Variants in CTNNA2 observed in about 807,000 individuals in gnomAD.
CTNNA2 encodes catenin alpha 2.
In CTNNA2, 42 loss-of-function variants were observed where a neutral mutation model predicts 101.0. That is an observed-to-expected ratio of 0.42 (90% confidence interval 0.32 to 0.54). CTNNA2 has a LOEUF of 0.54. Among genes scored for constraint, CTNNA2 ranks in the 20% least tolerant of loss-of-function variants. The pLI is 0.14. For missense variants in CTNNA2, 871 were observed against 1,223.1 expected (o/e 0.71, Z 4.29); for synonymous variants, 450 against 456.4 (o/e 0.99, Z 0.18).
intron 9 of CTNNA2, among the ~76,000 whole-genome samples, chr2:80,540,284 G>A (rs1428274219): frequency 6.6e-6 from 1 of 152,120 alleles, no homozygotes. Context: ...TCTAGTTAAA[G>A]AACAGGTTGT....
At chr2:80,330,755 C>T (rs1006122406) in intron 7 of CTNNA2, among the ~76,000 whole-genome samples, 1 of 151,950 alleles carries the variant, frequency 6.6e-6, no homozygotes, top group African/African-American at 2.4e-5. Context: ...TTCATTATTG[C>T]GTTTACTACT....
chr2:80,572,135 G>A (rs1163329116), intron 12 of CTNNA2, among the ~76,000 whole-genome samples: 2 of 152,070 alleles, frequency 1.3e-5, no homozygotes, highest in Non-Finnish European at 2.9e-5. Context: ...TAGTAGAAGG[G>A]TACCATTGTG....
chr2:79,355,564 C>T (rs1054448394), intron 3 of CTNNA2, among the ~76,000 whole-genome samples: 1 of 152,134 alleles, frequency 6.6e-6, no homozygotes, highest in Non-Finnish European at 1.5e-5. Flanking sequence ...TTCATCACTG[C>T]CAAAGGAGAC....
intron 2 of CTNNA2, among the ~76,000 whole-genome samples, chr2:79,310,902 T>C (rs185817235): frequency 3.9e-4 from 59 of 152,342 alleles, no homozygotes; most frequent in Middle Eastern, 3.4e-3. Flanking sequence ...TGTATTTCTT[T>C]AGAGTGGCCA....
intron 4 of CTNNA2, among the ~76,000 whole-genome samples, chr2:79,456,635 C>T (rs1670825431): frequency 6.6e-6 from 1 of 152,126 alleles, no homozygotes; most frequent in Non-Finnish European, 1.5e-5. Context: ...TATTTTATAA[C>T]ATGGACCCAC....
rs373325607 is a variant in CTNNA2, at chr2:79,634,045, C to A, written c.-5-17507C>A. On this transcript the variant is annotated intron_variant, in intron 1 of 18. Transcript: ENST00000402739. Reference sequence around the variant, plus strand: ...TTAGTGCTAAAGGGAATACAGAAGACCAATGGATTCTTTTAAGCTCATAAA... The same window carrying A: ...TTAGTGCTAAAGGGAATACAGAAGAACAATGGATTCTTTTAAGCTCATAAA... 9.9e-5 allele frequency among the ~76,000 whole-genome samples: 15 copies of A among 152,270 alleles called. No homozygotes were observed. The East Asian group carries it at 1.9e-3, about 20-fold the overall frequency.
intron 2 of CTNNA2, among the ~76,000 whole-genome samples, chr2:79,216,569 C>T (rs1040802285): frequency 6.8e-6 from 1 of 147,880 alleles, no homozygotes; most frequent in Non-Finnish European, 1.5e-5. Context: ...GGGGTCGAGT[C>T]ATGGAAATAA....
chr2:80,484,789 T>A (rs780287065), intron 9 of CTNNA2, among the ~76,000 whole-genome samples: 7 of 152,134 alleles, frequency 4.6e-5, no homozygotes, highest in Admixed American at 2.0e-4. Flanking sequence ...GGCGGATCAC[T>A]AGGTCCGGAG....
chr2:79,197,586 T>G (rs1327530123), intron 1 of CTNNA2, among the ~76,000 whole-genome samples: 2 of 152,138 alleles, frequency 1.3e-5, no homozygotes, highest in Non-Finnish European at 2.9e-5. Flanking sequence ...AGCATATTTT[T>G]ATAATGTTAA....
chr2:80,433,515 A>G (rs1023959293), intron 9 of CTNNA2, among the ~76,000 whole-genome samples: 3 of 152,034 alleles, frequency 2.0e-5, no homozygotes, highest in Non-Finnish European at 2.9e-5. Context: ...CTGTCGCCGC[A>G]GGGTCAAAAG....
chr2:79,860,520 C>T (rs1250401637), intron 4 of CTNNA2, among the ~76,000 whole-genome samples: 51 of 142,118 alleles, frequency 3.6e-4, no homozygotes, highest in African/African-American at 1.3e-3. Flanking sequence ...ATTGCAATCT[C>T]TTCTCCACAC....
At chr2:79,572,200 G>T (rs1301918062) in intron 1 of CTNNA2, among the ~76,000 whole-genome samples, 1 of 152,138 alleles carries the variant, frequency 6.6e-6, no homozygotes, top group Non-Finnish European at 1.5e-5. Context: ...AGCGATTTCT[G>T]TACGTCTTGC....
At chr2:79,424,503 G>A (rs982792647) in intron 4 of CTNNA2, among the ~76,000 whole-genome samples, 12 of 152,140 alleles carry the variant, frequency 7.9e-5, no homozygotes, top group Middle Eastern at 3.4e-3. Context: ...TGGGCACACC[G>A]TTAGTGGTTA....
intron 4 of CTNNA2, among the ~76,000 whole-genome samples, chr2:79,397,441 C>T (rs1220178059): frequency 6.6e-6 from 1 of 152,072 alleles, no homozygotes; most frequent in Admixed American, 6.5e-5. Flanking sequence ...AATTTTCTCA[C>T]CTCTGCAGGG....
intron 4 of CTNNA2, among the ~76,000 whole-genome samples, chr2:79,500,511 C>T (rs548374721): frequency 1.3e-5 from 2 of 152,240 alleles, no homozygotes; most frequent in South Asian, 4.1e-4. Context: ...GAAATACACA[C>T]AAAAAATTGA....
At chr2:80,233,875 C>T (rs1709396387) in intron 7 of CTNNA2, among the ~76,000 whole-genome samples, 1 of 152,062 alleles carries the variant, frequency 6.6e-6, no homozygotes, top group African/African-American at 2.4e-5. Context: ...AAAGATTTCT[C>T]ATAATATTAA....
Position 80,610,203 on chromosome 2 carries a change from C to T in CTNNA2, c.2430+1885C>T, listed in dbSNP as rs547483210. On this transcript the variant is annotated intron_variant, in intron 17 of 18. Coordinates refer to ENST00000402739, the MANE Select transcript of CTNNA2 (RefSeq NM_001282597.3). Reference sequence around the variant, plus strand: ...TCCAAGCTTGATTGCTGTTTGGTGCCACACCTACATCTATAGTCTGCTGTC... The same window carrying T: ...TCCAAGCTTGATTGCTGTTTGGTGCTACACCTACATCTATAGTCTGCTGTC... Among the ~76,000 whole-genome samples, 13 of 151,736 alleles carry T rather than the reference C, an allele frequency of 8.6e-5. 1 individual carries two copies. The highest frequency in any genetic ancestry group is 4.0e-4 in the Admixed American group (6 of 15,188).
chr2:79,222,683 TTCTC>T (rs201358863), intron 2 of CTNNA2, among the ~76,000 whole-genome samples: 57 of 150,960 alleles, frequency 3.8e-4, no homozygotes, highest in Non-Finnish European at 6.1e-4. Flanking sequence ...TCTTCCTTTA[TTCTC>T]TCTCTCTCTC....
chr2:80,248,727 C>T (rs983337268), intron 7 of CTNNA2, among the ~76,000 whole-genome samples: 7 of 152,128 alleles, frequency 4.6e-5, no homozygotes, highest in African/African-American at 7.2e-5. Context: ...GTCCCTTTGC[C>T]ACTGTGGGTG....
Sources: allele counts gnomAD v4.1 joint callset (sites outside exome capture counted in the v4.1 genomes callset), GRCh38; gene constraint gnomAD v4.1.1; transcripts MANE v1.5; gene names NCBI Gene and HGNC (gene_info 2026-07-23, HGNC 2026-07-21).